GOLIM4: variants seen among roughly 807,000 people sequenced by gnomAD.
The protein encoded by GOLIM4 is golgi integral membrane protein 4.
A neutral mutation model predicts 107.4 loss-of-function variants in GOLIM4; 71 were observed. The observed-to-expected ratio is 0.66, with a 90% CI of 0.55 to 0.81. The LOEUF (loss-of-function observed/expected upper bound fraction) is 0.81, where lower values mean the gene tolerates loss of function less well. GOLIM4 is among the 30% of genes least tolerant of loss of function. The pLI is 0.00. For missense variants in GOLIM4, 830 were observed against 826.1 expected, an observed-to-expected ratio of 1.00 and a Z score of -0.06; for synonymous variants, 327 against 294.8, an observed-to-expected ratio of 1.11 and a Z score of -1.12.
intron 7 of GOLIM4, among the ~76,000 whole-genome samples, chr3:168,037,625 T>A (rs1050902795): frequency 3.3e-5 from 5 of 152,198 alleles, no homozygotes; most frequent in African/African-American, 1.2e-4. Flanking sequence ...TGGATTTTTT[T>A]ATCCTTGATT....
intron 13 of GOLIM4, 83 bp from the exon 14 acceptor site, chr3:168,024,677 T>C: frequency 8.6e-7 from 1 of 1,163,186 alleles, no homozygotes; most frequent in Non-Finnish European, 1.3e-6. Flanking sequence ...AGAACAAGCA[T>C]GCCACCATGA....
intron 1 of GOLIM4, among the ~76,000 whole-genome samples, chr3:168,060,103 T>G (rs546859899): frequency 5.9e-5 from 9 of 151,404 alleles, no homozygotes; most frequent in Non-Finnish European, 1.2e-4. Context: ...TTAGAGAGTT[T>G]TTTTTTTTTT....
At chr3:168,093,790 C>A (rs1722023266) in intron 1 of GOLIM4, among the ~76,000 whole-genome samples, 1 of 152,140 alleles carries the variant, frequency 6.6e-6, no homozygotes, top group African/African-American at 2.4e-5. Flanking sequence ...CGTCAGTAAG[C>A]TAAAAATACT....
chr3:168,046,875 ATT>A, intron 3 of GOLIM4, 73 bp downstream of exon 3: 1 of 773,384 alleles, frequency 1.3e-6, no homozygotes, highest in Non-Finnish European at 2.0e-6. Flanking sequence ...TCGCAACTGT[ATT>A]TCTCTCTCTT....
rs947968860 is a variant in GOLIM4, at chr3:168,009,255, CAT to C, written c.*1012_*1013del. On this transcript the variant is annotated 3_prime_UTR_variant, in exon 16 of 16. Coordinates refer to ENST00000470487, the MANE Select transcript of GOLIM4 (RefSeq NM_014498.5). ...AAAAACCATAAGTCTATCATATCACCATATGTTTCACCATATAGTTTTGAAAA... is the reference window on the plus strand; with the variant it reads ...AAAAACCATAAGTCTATCATATCACCATGTTTCACCATATAGTTTTGAAAA... 1.3e-4 allele frequency: 19 copies of C among 151,726 alleles called. No homozygotes were observed. The highest frequency in any genetic ancestry group is 4.4e-4 in the African/African-American group (18 of 41,366). The allele number at this position is 151,726 out of a possible 1,614,324, so 9.4% of individuals were successfully genotyped here. A position where few individuals can be genotyped will look rare whatever the true frequency, so the allele number is the denominator to read the frequency against.
rs1053523917 is a variant in GOLIM4, at chr3:168,018,810, A to G, written c.1860+5716T>C. On this transcript the variant is annotated intron_variant, in intron 14 of 15. Coordinates refer to ENST00000470487, the MANE Select transcript of GOLIM4 (RefSeq NM_014498.5). ...AAAATATATTATTTATAAACATTAA[A>G]ATGTTGTAGTTGAGACTGGGGGAAA... 2.0e-5 allele frequency among the ~76,000 whole-genome samples: 3 copies of G among 152,186 alleles called. No homozygotes were observed. In the East Asian group the frequency reaches 5.8e-4, roughly 29 times the overall value.
chr3:168,037,948 C>CTTGTTG (rs1718755748), intron 7 of GOLIM4, among the ~76,000 whole-genome samples: 1 of 152,204 alleles, frequency 6.6e-6, no homozygotes, highest in Non-Finnish European at 1.5e-5. Context: ...GCTTCCCAGA[C>CTTGTTG]AGGGCCAGCT....
intron 1 of GOLIM4, among the ~76,000 whole-genome samples, chr3:168,088,419 C>G (rs917726364): frequency 3.2e-4 from 48 of 152,154 alleles, no homozygotes; most frequent in African/African-American, 1.1e-3. Flanking sequence ...CTCCAGGACT[C>G]ATACTCGTCA....
At chr3:168,023,627 G>A (rs891676569) in intron 14 of GOLIM4, among the ~76,000 whole-genome samples, 8 of 152,164 alleles carry the variant, frequency 5.3e-5, no homozygotes, top group African/African-American at 1.9e-4. Flanking sequence ...TCCCCATAGG[G>A]ATAAAACCAC....
intron 12 of GOLIM4, among the ~76,000 whole-genome samples, chr3:168,026,525 A>C (rs4073179): frequency 6.6e-6 from 1 of 152,152 alleles, no homozygotes; most frequent in Admixed American, 6.5e-5. Context: ...CATGTTCCCC[A>C]AAACAAACAA....
chr3:168,062,011 T>G (rs1231415021), intron 1 of GOLIM4, among the ~76,000 whole-genome samples: 1 of 152,236 alleles, frequency 6.6e-6, no homozygotes, highest in Non-Finnish European at 1.5e-5. Context: ...TTACAGACTG[T>G]ATGAAAGAGC....
At chr3:168,015,394 T>C (rs945013501) in intron 14 of GOLIM4, among the ~76,000 whole-genome samples, 5 of 145,396 alleles carry the variant, frequency 3.4e-5, no homozygotes. Context: ...TAAAAGAGGA[T>C]ACAAACAAAT....
rs1270345646 is a variant in GOLIM4, at chr3:168,010,087, C to G, written c.*182G>C. 2.1e-6 allele frequency: 1 copy of G among 472,160 alleles called. No homozygotes were observed. The highest frequency in any genetic ancestry group is 2.0e-5 in the African/African-American group (1 of 49,740). 29.2% of individuals were successfully genotyped at this position (472,160 alleles called of 1,614,324 possible). A position where few individuals can be genotyped will look rare whatever the true frequency, so the allele number is the denominator to read the frequency against. ...GTTTAGCTTGAATATAAAAGAAGCT[C>G]TAGACCTACGTTATCAAAATATATT... is the stretch of plus-strand genomic sequence containing the variant. On this transcript the variant is annotated 3_prime_UTR_variant, in exon 16 of 16. Transcript: ENST00000470487.
At chr3:168,042,262 C>G (rs1322193196) in intron 5 of GOLIM4, among the ~76,000 whole-genome samples, 1 of 151,380 alleles carries the variant, frequency 6.6e-6, no homozygotes, top group Non-Finnish European at 1.5e-5. Context: ...TTGACAGAGT[C>G]TCTCTCTGTC....
intron 1 of GOLIM4, among the ~76,000 whole-genome samples, chr3:168,055,872 A>G (rs1293936020): frequency 6.6e-6 from 1 of 152,196 alleles, no homozygotes; most frequent in East Asian, 1.9e-4. Context: ...AGCAGAGCAT[A>G]AAAGTTCAGA....
chr3:168,043,436 T>C lies in GOLIM4; in HGVS notation c.460A>G (p.Lys154Glu). ...EDFSRTFNDHKQKYLQLQQEK... is the reference protein window; with the variant it reads ...EDFSRTFNDHEQKYLQLQQEK... ...TGCTGGAGCTGCAAGTATTTTTGCT[T>C]ATGGTCATTAAATGTTCTACTGAAG... Residue 154 changes from lysine to glutamate, a missense_variant, in exon 5 of 16, where the codon AAG (lysine) becomes GAG (glutamate). Transcript: ENST00000470487. 1 of 1,613,030 alleles carries C rather than the reference T, an allele frequency of 6.2e-7. No individual in the cohort carries two copies. Among genetic ancestry groups the C allele is most frequent in the East Asian group, 2.2e-5 (1 of 44,868 alleles).
chr3:168,019,259 G>GT (rs1248486449), intron 14 of GOLIM4, among the ~76,000 whole-genome samples: 1 of 152,112 alleles, frequency 6.6e-6, no homozygotes. Context: ...CACCTCCAAT[G>GT]TTCAAAAGCT....
In GOLIM4 at chr3:168,040,700, G is replaced by A. The variant is rs1577529631; in HGVS notation, c.684+86C>T. Reference sequence around the variant, plus strand: ...GTCCTAAGGAACTCACTGAAGATTGGCTTGTAAGAGACTACATGCATAAAG... The same window carrying A: ...GTCCTAAGGAACTCACTGAAGATTGACTTGTAAGAGACTACATGCATAAAG... On this transcript the variant is annotated intron_variant, in intron 7 of 15. Transcript: ENST00000470487. 1.9e-5 allele frequency: 15 copies of A among 792,172 alleles called. No homozygotes were observed. In the East Asian group the frequency reaches 3.8e-4, roughly 20 times the overall value. The allele number at this position is 792,172 out of a possible 1,614,324, so 49.1% of individuals were successfully genotyped here. A position where few individuals can be genotyped will look rare whatever the true frequency, so the allele number is the denominator to read the frequency against.
intron 1 of GOLIM4, among the ~76,000 whole-genome samples, chr3:168,068,583 T>C (rs1313514620): frequency 6.6e-6 from 1 of 152,008 alleles, no homozygotes; most frequent in Non-Finnish European, 1.5e-5. Flanking sequence ...TTTTTTTTAA[T>C]ACTAAAAAGG....
Sources: allele counts gnomAD v4.1 joint callset (sites outside exome capture counted in the v4.1 genomes callset), GRCh38; gene constraint gnomAD v4.1.1; transcripts MANE v1.5; gene names NCBI Gene and HGNC (gene_info 2026-07-23, HGNC 2026-07-21).